SREK1IP1: variants seen among roughly 807,000 people sequenced by gnomAD.
The protein encoded by SREK1IP1 is protein SREK1IP1.
A neutral mutation model predicts 22.8 loss-of-function variants in SREK1IP1; 12 were observed. The observed-to-expected ratio is 0.53, with a 90% CI of 0.34 to 0.85. The LOEUF is 0.85. SREK1IP1 is among the 40% of genes least tolerant of loss of function. SREK1IP1 has a pLI of 0.02. For missense variants in SREK1IP1, 147 were observed against 171.8 expected (o/e 0.86, Z 0.81); for synonymous variants, 53 against 52.7 (o/e 1.01, Z -0.02).
chr5:64,730,214 T>A (rs1295532852), intron 3 of SREK1IP1, among the ~76,000 whole-genome samples: 1 of 152,122 alleles, frequency 6.6e-6, no homozygotes, highest in Non-Finnish European at 1.5e-5. Context: ...TATCAAATAG[T>A]ACCTAAAGGC....
At chr5:64,750,547 A>G (rs1742724325) in intron 2 of SREK1IP1, among the ~76,000 whole-genome samples, 1 of 152,126 alleles carries the variant, frequency 6.6e-6, no homozygotes, top group Non-Finnish European at 1.5e-5. Context: ...GCATATTAGC[A>G]TTTTTTATTT....
intron 2 of SREK1IP1, among the ~76,000 whole-genome samples, chr5:64,747,547 C>T (rs906203113): frequency 3.3e-5 from 5 of 152,032 alleles, no homozygotes; most frequent in East Asian, 1.9e-4. Flanking sequence ...AGGGAAAATA[C>T]GAGTGTTGGC....
chr5:64,759,185 T>A lies in SREK1IP1; in HGVS notation c.14-4823A>T, dbSNP rs368952764. ...GTCATTTCTATTTTCTGACCCTTAT[T>A]ATGCAGGCTTTGCTTAGATTCACTG... On this transcript the variant is annotated intron_variant, in intron 1 of 4. Coordinates refer to ENST00000513458, the MANE Select transcript of SREK1IP1 (RefSeq NM_173829.4). Among the ~76,000 whole-genome samples, 4 of 152,210 alleles carry A rather than the reference T, an allele frequency of 2.6e-5. No individual in the cohort carries two copies. In the East Asian group the frequency reaches 5.8e-4, roughly 22 times the overall value.
At chr5:64,725,282 GAAAAGA>G (rs1241726653) in intron 4 of SREK1IP1, among the ~76,000 whole-genome samples, 8 of 151,482 alleles carry the variant, frequency 5.3e-5, no homozygotes, top group African/African-American at 1.9e-4. Context: ...TAAAAAAAAG[GAAAAGA>G]AAAAGAAAAA....
chr5:64,763,485 C>G (rs1038541861), intron 1 of SREK1IP1, among the ~76,000 whole-genome samples: 1 of 150,742 alleles, frequency 6.6e-6, no homozygotes, highest in East Asian at 2.0e-4. Context: ...TGCAGTGAGC[C>G]GAGACAGTGC....
chr5:64,735,880 T>C (rs1742453740), intron 3 of SREK1IP1, among the ~76,000 whole-genome samples: 1 of 152,140 alleles, frequency 6.6e-6, no homozygotes, highest in Admixed American at 6.5e-5. Context: ...TGATCTTTAT[T>C]ATTCTCTTTC....
At chr5:64,758,231 T>G (rs1202940753) in intron 1 of SREK1IP1, among the ~76,000 whole-genome samples, 4 of 151,910 alleles carry the variant, frequency 2.6e-5, no homozygotes, top group Non-Finnish European at 5.9e-5. Flanking sequence ...TGCAGTGGAG[T>G]GATCTCAGCA....
At chr5:64,747,245 T>C (rs1289242185) in intron 2 of SREK1IP1, among the ~76,000 whole-genome samples, 2 of 152,148 alleles carry the variant, frequency 1.3e-5, no homozygotes, top group South Asian at 2.1e-4. Flanking sequence ...TCCTCATCCT[T>C]CTCCCCTTTC....
chr5:64,733,550 G>A (rs1455244967), intron 3 of SREK1IP1, among the ~76,000 whole-genome samples: 3 of 152,084 alleles, frequency 2.0e-5, no homozygotes, highest in Non-Finnish European at 4.4e-5. Flanking sequence ...TCACTCACAC[G>A]CTTCTCGTAG....
rs1460826364 is a variant in SREK1IP1, at chr5:64,727,547, A to ATT, written c.278+559_278+560insAA. 2.2e-3 allele frequency: 274 copies of ATT among 121,924 alleles called. 1 individual carries two copies. The highest frequency in any genetic ancestry group is 0.013 in the African/African-American group (251 of 19,782). 7.6% of individuals were successfully genotyped at this position (121,924 alleles called of 1,614,324 possible). A position where few individuals can be genotyped will look rare whatever the true frequency, so the allele number is the denominator to read the frequency against. On this transcript the variant is annotated intron_variant, in intron 4 of 4. Transcript: ENST00000513458. ...TATAATTACATATATATATATATAT[A>ATT]TATATATTTTTTTTTTTTTGGTGGG...
chr5:64,768,414 G>A, intron 1 of SREK1IP1, 91 bp downstream of exon 1: 3 of 1,551,678 alleles, frequency 1.9e-6, no homozygotes, highest in East Asian at 2.3e-5. Flanking sequence ...AAATCCCCAT[G>A]GGCGCTGCTC....
At chr5:64,757,087 C>G (rs1378210387) in intron 1 of SREK1IP1, among the ~76,000 whole-genome samples, 1 of 151,992 alleles carries the variant, frequency 6.6e-6, no homozygotes, top group Non-Finnish European at 1.5e-5. Flanking sequence ...TAGTTATTTT[C>G]CCCTTAAATT....
chr5:64,741,009 C>T, intron 3 of SREK1IP1, 48 bp downstream of exon 3: 1 of 1,532,268 alleles, frequency 6.5e-7, no homozygotes, highest in South Asian at 1.1e-5. Flanking sequence ...TATAATATGA[C>T]AGAACATTTA....
intron 2 of SREK1IP1, among the ~76,000 whole-genome samples, chr5:64,752,583 G>T (rs12054968): frequency 3.0e-4 from 45 of 152,200 alleles, no homozygotes; most frequent in African/African-American, 9.2e-4. Context: ...AATATACTGA[G>T]AAATAAGCTC....
chr5:64,768,613 T>A lies in SREK1IP1; in HGVS notation c.-96A>T. 6.3e-7 allele frequency: 1 copy of A among 1,582,502 alleles called. No individual in the cohort carries two copies. The highest frequency in any genetic ancestry group is 8.7e-7 in the Non-Finnish European group (1 of 1,154,684). On this transcript the variant is annotated 5_prime_UTR_variant, in exon 1 of 5. Coordinates refer to ENST00000513458, the MANE Select transcript of SREK1IP1 (RefSeq NM_173829.4). ...ACAAGGCACAGTCAAAGCGGCGTTT[T>A]CCTTCCCCCAGCGCAGCAGCACCCT... is the stretch of plus-strand genomic sequence containing the variant.
intron 3 of SREK1IP1, among the ~76,000 whole-genome samples, chr5:64,739,123 T>C (rs143564464): frequency 6.6e-6 from 1 of 152,266 alleles, no homozygotes; most frequent in African/African-American, 2.4e-5. Flanking sequence ...TAGCTCTGTG[T>C]TTGGTACTTG....
At chr5:64,749,061 T>TC (rs1742693899) in intron 2 of SREK1IP1, among the ~76,000 whole-genome samples, 1 of 51,936 alleles carries the variant, frequency 1.9e-5, no homozygotes, top group African/African-American at 1.8e-4. Context: ...CTATGCCACA[T>TC]AATAATAATA....
intron 3 of SREK1IP1, among the ~76,000 whole-genome samples, chr5:64,729,297 A>G (rs536510770): frequency 2.6e-5 from 4 of 152,312 alleles, no homozygotes; most frequent in African/African-American, 9.6e-5. Context: ...AAAGAAAATT[A>G]ACAGGCAAAG....
Position 64,718,160 on chromosome 5 carries a change from C to CA in SREK1IP1, c.*6223dup. 1.6e-6 allele frequency: 1 copy of CA among 631,682 alleles called. No individual in the cohort carries two copies. The highest frequency in any genetic ancestry group is 2.4e-6 in the Non-Finnish European group (1 of 409,896). 39.1% of individuals were successfully genotyped at this position (631,682 alleles called of 1,614,324 possible). A position where few individuals can be genotyped will look rare whatever the true frequency, so the allele number is the denominator to read the frequency against. The stretch of plus-strand genomic sequence containing the variant: ...AGACACAGCTGCATTTTTGATCATT[C>CA]AGTTACTTTATTAAACGCACATTAA... On this transcript the variant is annotated 3_prime_UTR_variant, in exon 5 of 5. Transcript: ENST00000513458.
Sources: gnomAD v4.1 joint callset for allele counts (sites outside exome capture counted in the v4.1 genomes callset) on GRCh38, gnomAD v4.1.1 for gene constraint, MANE v1.5 for transcripts, NCBI Gene and HGNC (gene_info 2026-07-23, HGNC 2026-07-21) for gene names.